MPP7: variants seen among roughly 807,000 people sequenced by gnomAD.
MPP7 encodes MAGUK p55 scaffold protein 7.
A neutral mutation model predicts 76.5 loss-of-function variants in MPP7; 60 were observed. The observed-to-expected ratio is 0.78, with a 90% CI of 0.64 to 0.97. The LOEUF is 0.97. Ranked by LOEUF, MPP7 falls within the 50% of genes least tolerant of loss-of-function variation. MPP7 has a pLI of 0.00. For missense variants in MPP7, 641 were observed against 694.0 expected (o/e 0.92, Z 0.86); for synonymous variants, 237 against 244.5 (o/e 0.97, Z 0.29).
chr10:28,059,488 T>G (rs1851690900), intron 14 of MPP7, 162 bp downstream of exon 14: 2 of 530,130 alleles, frequency 3.8e-6, no homozygotes, highest in Admixed American at 7.3e-5. Flanking sequence ...AGGTGAAGAT[T>G]AACAATAATT....
At chr10:28,321,686 G>A (rs1358844618) in intron 2 of MPP7, among the ~76,000 whole-genome samples, 1 of 152,136 alleles carries the variant, frequency 6.6e-6, no homozygotes, top group Admixed American at 6.5e-5. Flanking sequence ...CCATGTTCAA[G>A]CAATTCTCCT....
At chr10:28,278,127 C>T (rs1840558842) in intron 1 of MPP7, among the ~76,000 whole-genome samples, 1 of 151,998 alleles carries the variant, frequency 6.6e-6, no homozygotes, top group South Asian at 2.1e-4. Context: ...AGAAAACTAA[C>T]ACTGTTACCA....
In MPP7 at chr10:28,189,287, G is replaced by A. The variant is rs369727866; in HGVS notation, c.156+12866C>T. On this transcript the variant is annotated intron_variant, in intron 3 of 16. Coordinates refer to ENST00000683449, the MANE Select transcript of MPP7 (RefSeq NM_001318170.2). ...TTATCTGAAAATAGACCTAGGTCAGGCATGGTGGCTTATGCCTGTAATCCC... is the reference window on the plus strand; with the variant it reads ...TTATCTGAAAATAGACCTAGGTCAGACATGGTGGCTTATGCCTGTAATCCC... Among the ~76,000 whole-genome samples the A allele has an allele frequency of 3.3e-5, 5 of 152,260 alleles. No individual in the cohort carries two copies. In the East Asian group the frequency reaches 9.6e-4, roughly 29 times the overall value.
At chr10:28,262,730 T>C (rs1840031282) in intron 1 of MPP7, among the ~76,000 whole-genome samples, 1 of 152,306 alleles carries the variant, frequency 6.6e-6, no homozygotes, top group East Asian at 1.9e-4. Flanking sequence ...GAACTCTTAC[T>C]TGAGTGGCTT....
intron 2 of MPP7, among the ~76,000 whole-genome samples, chr10:28,312,512 A>C (rs185120628): frequency 6.6e-6 from 1 of 152,330 alleles, no homozygotes; most frequent in Admixed American, 6.5e-5. Context: ...TTCACCTCTC[A>C]GCATGATTAT....
chr10:28,316,435 TAAA>T (rs549621404), intron 2 of MPP7, among the ~76,000 whole-genome samples: 77 of 37,120 alleles, frequency 2.1e-3, no homozygotes, highest in East Asian at 4.0e-3. Flanking sequence ...ACTCTGTCTT[TAAA>T]AAAAAAAAAA....
chr10:28,147,970 A>AGGGTTTCCAAAAACCCATG (rs1369029846), intron 4 of MPP7, among the ~76,000 whole-genome samples: 39 of 152,228 alleles, frequency 2.6e-4, no homozygotes, highest in African/African-American at 8.4e-4. Context: ...TGAAATCCAC[A>AGGGTTTCCAAAAACCCATG]GGGTTTCCAA....
At chr10:28,068,058 T>G (rs1339831789) in intron 13 of MPP7, among the ~76,000 whole-genome samples, 1 of 150,734 alleles carries the variant, frequency 6.6e-6, no homozygotes, top group Non-Finnish European at 1.5e-5. Flanking sequence ...TAAAAATTCG[T>G]TTTTTTTTCT....
At chr10:28,293,907 G>A (rs1262819495) in intron 1 of MPP7, among the ~76,000 whole-genome samples, 1 of 152,232 alleles carries the variant, frequency 6.6e-6, no homozygotes, top group Non-Finnish European at 1.5e-5. Context: ...GAAAGTGATG[G>A]AAAGAGGGTT....
chr10:28,169,139 G>C (rs1049032333), intron 3 of MPP7, among the ~76,000 whole-genome samples: 1 of 152,026 alleles, frequency 6.6e-6, no homozygotes, highest in Non-Finnish European at 1.5e-5. Flanking sequence ...ATGCCATCAG[G>C]TGTGGGTTGG....
intron 1 of MPP7, among the ~76,000 whole-genome samples, chr10:28,299,417 T>G (rs60629234): frequency 0.01 from 1,576 of 152,238 alleles, 30 homozygotes; most frequent in East Asian, 0.071. Context: ...TATGTAACAT[T>G]TATCAGTTAA....
chr10:28,175,423 T>C (rs1836827384), intron 3 of MPP7, among the ~76,000 whole-genome samples: 1 of 135,082 alleles, frequency 7.4e-6, no homozygotes, highest in Non-Finnish European at 1.6e-5. Flanking sequence ...GGAGGGTACA[T>C]TTTGGGGTTC....
chr10:28,162,702 T>C (rs1195499669), intron 3 of MPP7, among the ~76,000 whole-genome samples: 2 of 152,148 alleles, frequency 1.3e-5, no homozygotes, highest in African/African-American at 2.4e-5. Flanking sequence ...TGTCATCTTT[T>C]CTCCTTGTTG....
chr10:28,327,907 T>C (rs1834433764), intron 2 of MPP7, among the ~76,000 whole-genome samples: 1 of 152,226 alleles, frequency 6.6e-6, no homozygotes, highest in Non-Finnish European at 1.5e-5. Context: ...ATAAATGGCA[T>C]TTGACTTGGG....
intron 2 of MPP7, chr10:28,203,261 T>C (rs932404726): frequency 6.6e-6 from 1 of 152,170 alleles, no homozygotes; most frequent in African/African-American, 2.4e-5. Flanking sequence ...AGTGCTGCTG[T>C]TCATCACAGG....
At chr10:28,146,334 C>T (rs901088840) in intron 5 of MPP7, among the ~76,000 whole-genome samples, 2 of 151,938 alleles carry the variant, frequency 1.3e-5, no homozygotes, top group Non-Finnish European at 2.9e-5. Flanking sequence ...TACAGCAATA[C>T]ATTCATGTAC....
rs76009353 is a variant in MPP7 at position 28,163,548 on chromosome 10, A to G, written c.157-13489T>C. Among the ~76,000 whole-genome samples, 1,499 of 152,328 alleles carry G rather than the reference A, an allele frequency of 9.8e-3. 8 individuals are homozygous for G. The highest frequency in any genetic ancestry group is 0.024 in the Middle Eastern group (7 of 294). ...ATACACCCAGGGACCAGGATAGGCA[A>G]GAAACTTAGTACATACTCAAATATT... is the stretch of plus-strand genomic sequence containing the variant. On this transcript the variant is annotated intron_variant, in intron 3 of 16. Transcript: ENST00000683449.
At chr10:28,057,040 CT>C (rs1183373945) in intron 15 of MPP7, among the ~76,000 whole-genome samples, 1 of 152,222 alleles carries the variant, frequency 6.6e-6, no homozygotes, top group Non-Finnish European at 1.5e-5. Context: ...GGGCAGCCTC[CT>C]GCTCTCCATG....
chr10:28,332,673 AT>A (rs1398162617), intron 1 of MPP7, among the ~76,000 whole-genome samples: 2 of 151,946 alleles, frequency 1.3e-5, no homozygotes, highest in Non-Finnish European at 2.9e-5. Context: ...TTTGCCCCCC[AT>A]TTTTTGAGAT....
Sources: allele counts gnomAD v4.1 joint callset (sites outside exome capture counted in the v4.1 genomes callset), GRCh38; gene constraint gnomAD v4.1.1; transcripts MANE v1.5; gene names NCBI Gene and HGNC (gene_info 2026-07-23, HGNC 2026-07-21).